Variants in CDC25C observed in about 807,000 individuals in gnomAD.
CDC25C encodes M-phase inducer phosphatase 3.
Under a neutral mutation model 52.5 loss-of-function variants are expected in CDC25C, and 48 were observed. The observed-to-expected ratio is 0.91, with a 90% CI of 0.72 to 1.16. The LOEUF is 1.16. Among genes scored for constraint, CDC25C ranks in the 50% most tolerant of loss-of-function variants. The pLI is 0.00. For synonymous variants in CDC25C, 187 were observed against 206.5 expected (o/e 0.91, Z 0.81); for missense variants, 510 against 566.1 (o/e 0.90, Z 1.01).
intron 7 of CDC25C, among the ~76,000 whole-genome samples, chr5:138,314,251 C>A (rs894360980): frequency 1.3e-5 from 2 of 151,466 alleles, no homozygotes; most frequent in Non-Finnish European, 2.9e-5. Context: ...CCTGCCTTGG[C>A]CTCTCAAAGT....
rs143284084 is a variant in CDC25C, at chr5:138,318,879, T to C, written c.615+340A>G. Among the ~76,000 whole-genome samples the C allele has an allele frequency of 1.1e-4, 17 of 152,332 alleles. No homozygotes were observed. The East Asian group carries it at 3.3e-3, about 29-fold the overall frequency. On this transcript the variant is annotated intron_variant, in intron 7 of 13. Transcript: ENST00000323760. ...GAAGTATACTTTTGTATCAAAAAGCTGAGTCTCAGGAAAGCACAGCAGCTG... is the reference window on the plus strand; with the variant it reads ...GAAGTATACTTTTGTATCAAAAAGCCGAGTCTCAGGAAAGCACAGCAGCTG...
chr5:138,308,087 G>C (rs1024332698), intron 7 of CDC25C, among the ~76,000 whole-genome samples: 2 of 152,128 alleles, frequency 1.3e-5, no homozygotes, highest in Non-Finnish European at 1.5e-5. Flanking sequence ...AATGCTCGCT[G>C]GCCTGGCCCA....
rs749068987 is a variant in CDC25C, at chr5:138,287,168, C to T, written c.1026+1G>A. The T allele has an allele frequency of 3.1e-6, 5 of 1,607,624 alleles. No individual in the cohort carries two copies. Among genetic ancestry groups the T allele is most frequent in the Middle Eastern group, 1.6e-4 (1 of 6,078 alleles). On this transcript the variant is annotated splice_donor_variant, in intron 11 of 13. Transcript: ENST00000323760. LOFTEE classifies it high-confidence loss of function. Reference sequence around the variant, plus strand: ...TACTAATGGCCACAATGTCGTCTCACCTGGATGTGTCCTCCCAGATACTCA... The same window carrying T: ...TACTAATGGCCACAATGTCGTCTCATCTGGATGTGTCCTCCCAGATACTCA...
intron 7 of CDC25C, among the ~76,000 whole-genome samples, chr5:138,298,327 T>G (rs1757366838): frequency 6.6e-6 from 1 of 152,042 alleles, no homozygotes; most frequent in South Asian, 2.1e-4. Flanking sequence ...CCTCAAAAAC[T>G]AATTTAAACA....
intron 7 of CDC25C, among the ~76,000 whole-genome samples, chr5:138,316,087 T>C (rs1225668390): frequency 6.6e-6 from 1 of 152,138 alleles, no homozygotes; most frequent in Non-Finnish European, 1.5e-5. Flanking sequence ...TGTGGTCTTG[T>C]GGGGGCCGGG....
intron 1 of CDC25C, chr5:138,337,671 C>T (rs1465509940): frequency 3.1e-6 from 1 of 320,976 alleles, no homozygotes; most frequent in Non-Finnish European, 6.0e-6. Flanking sequence ...ATTATAAGTC[C>T]TGGGTTTTTA....
chr5:138,302,859 A>C (rs1437209013), intron 7 of CDC25C, among the ~76,000 whole-genome samples: 12 of 151,994 alleles, frequency 7.9e-5, no homozygotes, highest in Middle Eastern at 6.8e-3. Flanking sequence ...CAGGAGTTCA[A>C]GACCAGCCTG....
intron 7 of CDC25C, among the ~76,000 whole-genome samples, chr5:138,311,427 T>C (rs1166956326): frequency 1.3e-5 from 2 of 152,144 alleles, no homozygotes; most frequent in East Asian, 3.9e-4. Context: ...ACCTCATCTC[T>C]ATCTCTACAA....
intron 4 of CDC25C, among the ~76,000 whole-genome samples, chr5:138,327,407 G>A (rs1354651816): frequency 1.3e-5 from 2 of 151,416 alleles, no homozygotes; most frequent in African/African-American, 4.9e-5. Context: ...GTGGGGCGCT[G>A]ATCACTTGAG....
intron 9 of CDC25C, among the ~76,000 whole-genome samples, chr5:138,290,212 T>A (rs138413846): frequency 1.8e-4 from 28 of 152,054 alleles, no homozygotes; most frequent in African/African-American, 6.5e-4. Flanking sequence ...TTTGTATATG[T>A]GTTTGTGAAA....
Position 138,330,727 on chromosome 5 carries a change from T to C in CDC25C, c.194+260A>G, listed in dbSNP as rs1292044290. Among the ~76,000 whole-genome samples the C allele has an allele frequency of 2.6e-5, 4 of 152,230 alleles. 1 individual carries two copies. The East Asian group carries it at 7.7e-4, about 29-fold the overall frequency. ...TCTTGCCATGTTGCCCAGGCTGGTCTTGAACTCCTAGACTCAGGCGATCCG... is the reference window on the plus strand; with the variant it reads ...TCTTGCCATGTTGCCCAGGCTGGTCCTGAACTCCTAGACTCAGGCGATCCG... On this transcript the variant is annotated intron_variant, in intron 2 of 13. Transcript: ENST00000323760.
rs1287717732 is a variant in CDC25C, at chr5:138,292,235, C to T, written c.616-119G>A. 4 of 677,024 alleles carry T rather than the reference C, an allele frequency of 5.9e-6. No homozygotes were observed. In the Admixed American group the frequency reaches 8.4e-5, roughly 14 times the overall value. 41.9% of individuals were successfully genotyped at this position (677,024 alleles called of 1,614,324 possible). On this transcript the variant is annotated intron_variant, in intron 7 of 13. Coordinates refer to ENST00000323760, the MANE Select transcript of CDC25C (RefSeq NM_001790.5). ...CAGGTTTCCAGATGTTAGGCCACAC[C>T]CCAAACCTACTGAATTAAAATCTGC...
chr5:138,311,459 G>C (rs929312157), intron 7 of CDC25C, among the ~76,000 whole-genome samples: 19 of 152,102 alleles, frequency 1.2e-4, no homozygotes, highest in Admixed American at 7.2e-4. Context: ...GCCAGGTGTG[G>C]TGGTGCATGC....
At chr5:138,318,736 AAAG>A (rs1167339124) in intron 7 of CDC25C, among the ~76,000 whole-genome samples, 5 of 152,158 alleles carry the variant, frequency 3.3e-5, no homozygotes, top group Admixed American at 1.3e-4. Context: ...ACAACAAAAA[AAAG>A]AAGAATGAAT....
chr5:138,288,876 C>T (rs1020762140), intron 10 of CDC25C, among the ~76,000 whole-genome samples: 7 of 152,096 alleles, frequency 4.6e-5, no homozygotes, highest in Admixed American at 4.6e-4. Flanking sequence ...AAAATGTAAA[C>T]GAGGGTGCAT....
chr5:138,328,687 G>A, intron 3 of CDC25C, 158 bp from the exon 4 acceptor site: 1 of 600,652 alleles, frequency 1.7e-6, no homozygotes, highest in Non-Finnish European at 3.0e-6. Context: ...CATGGTACAA[G>A]GTACAATTTC....
intron 6 of CDC25C, among the ~76,000 whole-genome samples, chr5:138,321,994 A>G (rs969641033): frequency 6.6e-6 from 1 of 151,696 alleles, no homozygotes; most frequent in African/African-American, 2.4e-5. Context: ...ACTACTAATT[A>G]TTATTATTAT....
rs1034886317 is a variant in CDC25C at position 138,325,321 on chromosome 5, A to C, written c.459+494T>G. ...TCTTAGTGATGAGGTGGCTCCGGAG[A>C]GGCTAGATTTAACTTGGAACGACGG... On this transcript the variant is annotated intron_variant, in intron 6 of 13. Transcript: ENST00000323760. Among the ~76,000 whole-genome samples the C allele has an allele frequency of 2.6e-5, 4 of 152,282 alleles. 1 individual carries two copies. In the South Asian group the frequency reaches 8.3e-4, roughly 32 times the overall value.
intron 7 of CDC25C, among the ~76,000 whole-genome samples, chr5:138,306,259 AT>A (rs1275194787): frequency 6.6e-6 from 1 of 152,032 alleles, no homozygotes; most frequent in Non-Finnish European, 1.5e-5. Flanking sequence ...CTTGAAAAAA[AT>A]TTTTGTTGTT....
Sources: allele counts gnomAD v4.1 joint callset (sites outside exome capture counted in the v4.1 genomes callset), GRCh38; gene constraint gnomAD v4.1.1; transcripts MANE v1.5; gene names NCBI Gene and HGNC (gene_info 2026-07-23, HGNC 2026-07-21).